Variants in SUPT3H observed in about 807,000 individuals in gnomAD.
The protein encoded by SUPT3H is SPT3 homolog, SAGA and STAGA complex component.
A neutral mutation model predicts 44.3 loss-of-function variants in SUPT3H; 44 were observed. The observed-to-expected ratio is 0.99, with a 90% CI of 0.78 to 1.28. The LOEUF (loss-of-function observed/expected upper bound fraction) is 1.28, where lower values mean the gene tolerates loss of function less well. SUPT3H is among the 50% of genes most tolerant of loss of function. SUPT3H has a pLI of 0.00. For missense variants in SUPT3H, 380 were observed against 387.1 expected, an observed-to-expected ratio of 0.98 and a Z score of 0.15; for synonymous variants, 124 against 125.6, an observed-to-expected ratio of 0.99 and a Z score of 0.09.
intron 2 of SUPT3H, among the ~76,000 whole-genome samples, chr6:45,284,693 G>C (rs1388709498): frequency 2.0e-5 from 3 of 152,160 alleles, no homozygotes; most frequent in African/African-American, 7.2e-5. Flanking sequence ...CATTCCTTCT[G>C]AAACTATTCC....
chr6:45,246,793 G>A (rs1381454910), intron 2 of SUPT3H, among the ~76,000 whole-genome samples: 5 of 152,116 alleles, frequency 3.3e-5, no homozygotes, highest in Non-Finnish European at 7.4e-5. Flanking sequence ...AAATGAAAAT[G>A]TAAATACAAC....
chr6:45,190,934 G>C (rs529420309), intron 2 of SUPT3H, among the ~76,000 whole-genome samples: 1 of 152,028 alleles, frequency 6.6e-6, no homozygotes, highest in Non-Finnish European at 1.5e-5. Flanking sequence ...CAAAGGTGTG[G>C]AGCAACAGGA....
chr6:45,174,695 A>T (rs1811396110), intron 2 of SUPT3H, among the ~76,000 whole-genome samples: 1 of 152,172 alleles, frequency 6.6e-6, no homozygotes, highest in African/African-American at 2.4e-5. Context: ...CAACATCTAT[A>T]AAAAAGTTTT....
At chr6:45,039,269 C>T (rs1280619199) in intron 3 of SUPT3H, among the ~76,000 whole-genome samples, 2 of 152,038 alleles carry the variant, frequency 1.3e-5, no homozygotes, top group African/African-American at 2.4e-5. Context: ...ACTATACTTC[C>T]TTTGGGAAGA....
intron 10 of SUPT3H, among the ~76,000 whole-genome samples, chr6:44,897,127 A>G (rs1764229598): frequency 6.6e-6 from 1 of 152,228 alleles, no homozygotes; most frequent in Non-Finnish European, 1.5e-5. Context: ...TACAGAGAAT[A>G]AACTGAAGGC....
intron 2 of SUPT3H, among the ~76,000 whole-genome samples, chr6:45,106,392 A>T (rs768556078): frequency 3.9e-5 from 6 of 152,166 alleles, no homozygotes; most frequent in Non-Finnish European, 8.8e-5. Flanking sequence ...AGATCATGCC[A>T]CCATACTCCA....
Position 45,233,899 on chromosome 6 carries a change from C to T in SUPT3H, c.102-127893G>A, listed in dbSNP as rs763826231. ...ACAGTATGACTAAAACTATAAATTA[C>T]CTTAAAAATAGATGTCCTTTATTGG... On this transcript the variant is annotated intron_variant, in intron 2 of 10. Coordinates refer to ENST00000371459, the MANE Select transcript of SUPT3H (RefSeq NM_003599.4). Among the ~76,000 whole-genome samples the T allele has an allele frequency of 7.9e-5, 12 of 152,128 alleles. 1 individual carries two copies. The highest frequency in any genetic ancestry group is 1.6e-4 in the Non-Finnish European group (11 of 68,008).
intron 3 of SUPT3H, among the ~76,000 whole-genome samples, chr6:45,045,556 C>G (rs1217706758): frequency 6.6e-6 from 1 of 152,118 alleles, no homozygotes; most frequent in East Asian, 1.9e-4. Flanking sequence ...GGCTAAGACA[C>G]TGGGGTTTTC....
chr6:45,053,795 C>T (rs1253012662), intron 3 of SUPT3H, among the ~76,000 whole-genome samples: 1 of 147,582 alleles, frequency 6.8e-6, no homozygotes, highest in Non-Finnish European at 1.5e-5. Context: ...GGCGCCTGTA[C>T]TCCCAGCTCC....
rs1187665446 is a variant in SUPT3H at position 44,932,584 on chromosome 6, T to A, written c.912+69A>T. 2.7e-6 allele frequency: 3 copies of A among 1,131,106 alleles called. No individual in the cohort carries two copies. The Admixed American group carries it at 8.1e-5, about 31-fold the overall frequency. The allele number at this position is 1,131,106 out of a possible 1,614,324, so 70.1% of individuals were successfully genotyped here. A position where few individuals can be genotyped will look rare whatever the true frequency, so the allele number is the denominator to read the frequency against. ...TTCAACAATTCCATTGCTTCTTCAT[T>A]TGACCACTTGAAAATCAAAATTCTT... On this transcript the variant is annotated intron_variant, in intron 10 of 10. Coordinates refer to ENST00000371459, the MANE Select transcript of SUPT3H (RefSeq NM_003599.4).
chr6:45,312,102 T>C (rs187658615), intron 2 of SUPT3H, among the ~76,000 whole-genome samples: 5 of 152,142 alleles, frequency 3.3e-5, no homozygotes, highest in African/African-American at 1.2e-4. Context: ...ACATAAGGAC[T>C]CACATAAACT....
intron 3 of SUPT3H, among the ~76,000 whole-genome samples, chr6:45,089,210 T>A (rs1243358846): frequency 6.6e-6 from 1 of 152,062 alleles, no homozygotes. Context: ...TTTAAAAACA[T>A]CCCATTCATT....
At chr6:44,865,315 T>C (rs1232489772) in intron 10 of SUPT3H, among the ~76,000 whole-genome samples, 9 of 152,226 alleles carry the variant, frequency 5.9e-5, no homozygotes, top group Non-Finnish European at 1.5e-5. Context: ...CTCCAAACTG[T>C]TCCAACTTCT....
intron 10 of SUPT3H, among the ~76,000 whole-genome samples, chr6:44,878,375 G>A (rs80226990): frequency 0.027 from 4,091 of 152,092 alleles, 107 homozygotes; most frequent in South Asian, 0.12. Flanking sequence ...TGCCATTTGT[G>A]GGTATGTTTC....
intron 2 of SUPT3H, among the ~76,000 whole-genome samples, chr6:45,112,480 T>C (rs1800205848): frequency 6.6e-6 from 1 of 152,158 alleles, no homozygotes; most frequent in Non-Finnish European, 1.5e-5. Context: ...TAAAAGAATT[T>C]AACAGGCCTA....
At chr6:45,252,573 C>G (rs1562797008) in intron 2 of SUPT3H, among the ~76,000 whole-genome samples, 1 of 151,324 alleles carries the variant, frequency 6.6e-6, no homozygotes, top group Non-Finnish European at 1.5e-5. Flanking sequence ...AGGAATGGCA[C>G]AGTAGACACC....
intron 2 of SUPT3H, among the ~76,000 whole-genome samples, chr6:45,108,551 A>G (rs1375334210): frequency 1.3e-5 from 2 of 152,204 alleles, no homozygotes; most frequent in African/African-American, 4.8e-5. Context: ...ATATATTAAT[A>G]TAACTACATT....
chr6:44,878,694 G>A (rs975026009), intron 10 of SUPT3H, among the ~76,000 whole-genome samples: 3 of 152,038 alleles, frequency 2.0e-5, no homozygotes, highest in Admixed American at 1.3e-4. Context: ...TGAAGAAGGC[G>A]GGTGATTTCT....
At chr6:45,333,915 T>C (rs1581663849) in intron 2 of SUPT3H, among the ~76,000 whole-genome samples, 2 of 151,306 alleles carry the variant, frequency 1.3e-5, no homozygotes, top group East Asian at 3.9e-4. Context: ...ATTTTCATCT[T>C]TTAAATCAAC....
Sources: allele counts gnomAD v4.1 joint callset (sites outside exome capture counted in the v4.1 genomes callset), GRCh38; gene constraint gnomAD v4.1.1; transcripts MANE v1.5; gene names NCBI Gene and HGNC (gene_info 2026-07-23, HGNC 2026-07-21).